EPB41L3: variants seen among roughly 807,000 people sequenced by gnomAD.
The protein encoded by EPB41L3 is band 4.1-like protein 3.
Under a neutral mutation model 127.1 loss-of-function variants are expected in EPB41L3, and 57 were observed. That is an observed-to-expected ratio of 0.45 (90% CI 0.36 to 0.56). EPB41L3 has a LOEUF of 0.56. Ranked by LOEUF, EPB41L3 falls within the 20% of genes least tolerant of loss-of-function variation. EPB41L3 has a pLI of 0.00. For synonymous variants in EPB41L3, 572 were observed against 549.5 expected, an observed-to-expected ratio of 1.04 and a Z score of -0.57; for missense variants, 1,273 against 1,372.2, an observed-to-expected ratio of 0.93 and a Z score of 1.14.
intron 1 of EPB41L3, among the ~76,000 whole-genome samples, chr18:5,496,513 A>T (rs914629270): frequency 6.6e-6 from 1 of 152,236 alleles, no homozygotes; most frequent in Non-Finnish European, 1.5e-5. Context: ...ACTACTTGCA[A>T]ATTAAGTCTA....
chr18:5,469,013 G>A (rs760734104), intron 3 of EPB41L3, among the ~76,000 whole-genome samples: 1 of 152,224 alleles, frequency 6.6e-6, no homozygotes, highest in Non-Finnish European at 1.5e-5. Context: ...CCTGAAAGCT[G>A]TACTGTCACT....
chr18:5,581,121 G>T (rs1427443710), intron 3 of EPB41L3, among the ~76,000 whole-genome samples: 1 of 152,186 alleles, frequency 6.6e-6, no homozygotes. Flanking sequence ...CCAAGTCTTT[G>T]TGGTGTGACA....
chr18:5,570,888 A>C (rs1267008589), intron 3 of EPB41L3: 1 of 152,256 alleles, frequency 6.6e-6, no homozygotes, highest in African/African-American at 2.4e-5. Context: ...GCAAGCTCTT[A>C]TCAGCATTTT....
chr18:5,408,530 C>T (rs1025892350), intron 14 of EPB41L3, among the ~76,000 whole-genome samples: 43 of 152,162 alleles, frequency 2.8e-4, no homozygotes, highest in Admixed American at 7.2e-4. Context: ...CCGCCTCAGC[C>T]TCCCAAAGTG....
intron 1 of EPB41L3, among the ~76,000 whole-genome samples, chr18:5,616,175 C>A (rs1423734972): frequency 6.6e-6 from 1 of 152,136 alleles, no homozygotes; most frequent in Admixed American, 6.5e-5. Context: ...CCGGCTCCTG[C>A]ACAGCCCGCC....
At chr18:5,427,420 T>C (rs974659044) in intron 9 of EPB41L3, among the ~76,000 whole-genome samples, 8 of 152,186 alleles carry the variant, frequency 5.3e-5, no homozygotes, top group African/African-American at 1.7e-4. Flanking sequence ...AAGGAAGATA[T>C]AAACGTAAGT....
chr18:5,504,044 C>A (rs946313823), intron 1 of EPB41L3, among the ~76,000 whole-genome samples: 3 of 152,148 alleles, frequency 2.0e-5, no homozygotes, highest in Admixed American at 6.5e-5. Context: ...AAGTGCCTCC[C>A]TTTAATTGGA....
chr18:5,482,906 A>C (rs1475812209), intron 2 of EPB41L3, among the ~76,000 whole-genome samples: 1 of 152,184 alleles, frequency 6.6e-6, no homozygotes, highest in Non-Finnish European at 1.5e-5. Flanking sequence ...CAAAAAATAA[A>C]AATGAACCTT....
chr18:5,613,555 C>T (rs2094755697), intron 2 of EPB41L3, among the ~76,000 whole-genome samples: 1 of 152,184 alleles, frequency 6.6e-6, no homozygotes, highest in South Asian at 2.1e-4. Context: ...AAGTAGGAGC[C>T]AGGGACTGGG....
rs56754979 is a variant in EPB41L3 at position 5,422,213 on chromosome 18, A to G, written c.1339+1165T>C. Among the ~76,000 whole-genome samples, 166 of 152,290 alleles carry G rather than the reference A, an allele frequency of 1.1e-3. 1 individual carries two copies. The highest frequency in any genetic ancestry group is 3.9e-3 in the African/African-American group (162 of 41,570). On this transcript the variant is annotated intron_variant, in intron 11 of 22. Transcript: ENST00000341928. ...TCAATCTGGATTTACCCATGCCACA[A>G]GAGTACAGTTTCCACCTCGCTAGTA...
At chr18:5,463,035 C>T (rs2084304730) in intron 3 of EPB41L3, among the ~76,000 whole-genome samples, 1 of 152,140 alleles carries the variant, frequency 6.6e-6, no homozygotes, top group Non-Finnish European at 1.5e-5. Context: ...TACCACTACC[C>T]ACATCCCCCT....
chr18:5,434,387 G>A (rs1361778909), intron 6 of EPB41L3, among the ~76,000 whole-genome samples: 1 of 152,190 alleles, frequency 6.6e-6, no homozygotes, highest in Non-Finnish European at 1.5e-5. Flanking sequence ...ATAAAGCACA[G>A]TCTAAAAGAA....
chr18:5,496,324 C>T (rs140907000), intron 1 of EPB41L3, among the ~76,000 whole-genome samples: 184 of 152,342 alleles, frequency 1.2e-3, no homozygotes, highest in Non-Finnish European at 1.9e-3. Flanking sequence ...CATAAATTTG[C>T]CTATGCTTCT....
At position 5,397,362 on chromosome 18, in the gene EPB41L3, A is replaced by C. The variant is rs771444130; in HGVS notation, c.2537T>G (p.Leu846Arg). The C allele has an allele frequency of 6.2e-7, 1 of 1,613,880 alleles. No individual in the cohort carries two copies. Among genetic ancestry groups the C allele is most frequent in the Admixed American group, 1.7e-5 (1 of 60,028 alleles). ...ETEPTVHHLP[L>R]STEKVVQETV... ...CTCCTGCACCACCTTCTCAGTGCTA[A>C]GCGGCAGGTGGTGCACGGTGGGTTC... Residue 846 changes from leucine to arginine, a missense_variant, in exon 18 of 23, where the codon CTT becomes CGT. Leu to Arg is a moderately radical substitution (Grantham distance 102, BLOSUM62 -2). Transcript: ENST00000341928. This position sits in a 1 kb window ranked among gnomAD's most constrained non-coding sequence, Gnocchi z 4.1.
intron 1 of EPB41L3, among the ~76,000 whole-genome samples, chr18:5,619,313 T>C (rs191389723): frequency 3.9e-5 from 6 of 152,240 alleles, no homozygotes; most frequent in East Asian, 1.9e-4. Flanking sequence ...TCCATCCATA[T>C]GCAGCCCAGT....
intron 3 of EPB41L3, among the ~76,000 whole-genome samples, chr18:5,568,986 G>C (rs1249039465): frequency 6.6e-6 from 1 of 152,166 alleles, no homozygotes; most frequent in Non-Finnish European, 1.5e-5. Context: ...CAGTCTCTAA[G>C]GAACATTTCT....
At position 5,626,218 on chromosome 18, in the gene EPB41L3, T is replaced by C. The variant is rs138888417; in HGVS notation, c.-468+2704A>G. ...ACCCTTAGCACTTCAGAATGCACAC[T>C]AGACATCAATCAGCCCTGCTTTTTC... On this transcript the variant is annotated intron_variant, in intron 1 of 21. Coordinates refer to the EPB41L3 transcript ENST00000545076. Among the ~76,000 whole-genome samples the C allele has an allele frequency of 2.8e-3, 433 of 152,256 alleles. 2 individuals carry two copies. The highest frequency in any genetic ancestry group is 3.8e-3 in the Non-Finnish European group (259 of 68,026).
chr18:5,481,783 A>ATCCCTTTGGGACC lies in EPB41L3; in HGVS notation c.184-3346_184-3345insGGTCCCAAAGGGA, dbSNP rs199722979. On this transcript the variant is annotated intron_variant, in intron 2 of 22. Transcript: ENST00000341928. ...TCAGCCATCCCACATTGCCAGGATA[A>ATCCCTTTGGGACC]TCCCTCATTCAGGACAAGCGGCACT... Among the ~76,000 whole-genome samples, 1,303 of 152,324 alleles carry ATCCCTTTGGGACC rather than the reference A, an allele frequency of 8.6e-3. 17 individuals carry two copies. Among genetic ancestry groups the ATCCCTTTGGGACC allele is most frequent in the African/African-American group, 0.028 (1,169 of 41,574 alleles).
At chr18:5,450,594 C>T (rs1478183488) in intron 3 of EPB41L3, among the ~76,000 whole-genome samples, 12 of 151,848 alleles carry the variant, frequency 7.9e-5, no homozygotes, top group Admixed American at 7.2e-4. Flanking sequence ...GACAAAAATA[C>T]ATTCTTAGTT....
Sources: allele counts gnomAD v4.1 joint callset (sites outside exome capture counted in the v4.1 genomes callset), GRCh38; gene constraint gnomAD v4.1.1; non-coding constraint Gnocchi (gnomAD v3.1); transcripts MANE v1.5; gene names NCBI Gene and HGNC (gene_info 2026-07-23, HGNC 2026-07-21).